The following SLC45A4 variants were observed in gnomAD, a reference collection of about 807,000 sequenced individuals.
SLC45A4 encodes the protein solute carrier family 45 member 4.
A neutral mutation model predicts 63.7 loss-of-function variants in SLC45A4; 32 were observed. The ratio of observed to expected loss-of-function variants is 0.50; its 90% confidence interval spans 0.38 to 0.67. The LOEUF (loss-of-function observed/expected upper bound fraction) is 0.67. SLC45A4 is among the 30% of genes least tolerant of loss of function. The pLI is 0.00. For missense variants in SLC45A4, 1,027 were observed against 1,157.7 expected (o/e 0.89, Z 1.64); for synonymous variants, 535 against 510.0 (o/e 1.05, Z -0.66).
intron 1 of SLC45A4, among the ~76,000 whole-genome samples, chr8:141,285,956 A>C (rs942884885): frequency 6.6e-6 from 1 of 152,182 alleles, no homozygotes; most frequent in Non-Finnish European, 1.5e-5. Flanking sequence ...CCTCAGGAGA[A>C]CCAGCAGCGT....
chr8:141,288,394 C>T (rs577338333), intron 1 of SLC45A4, among the ~76,000 whole-genome samples: 37 of 152,324 alleles, frequency 2.4e-4, no homozygotes, highest in African/African-American at 8.2e-4. Flanking sequence ...AAATTGCAAG[C>T]GCATCGGTAC....
rs575350182 is a variant in SLC45A4, at chr8:141,218,704, G to A, written c.936C>T (p.His312=). ...IMRSKSDSAL[H]VPDTALDLEP... ...CCAGGTCCAGCGCGGTGTCCGGCAC[G>A]TGCAATGCCGAGTCGCTTTTGCTGC... Residue 312 remains histidine (H), a synonymous_variant, in exon 5 of 9, where the codon CAC becomes CAT. Transcript: ENST00000517878. 29 of 1,612,742 alleles carry A rather than the reference G, an allele frequency of 1.8e-5. No homozygotes were observed. The East Asian group carries it at 3.3e-4, about 19-fold the overall frequency.
At chr8:141,295,327 C>T (rs1830504920) in intron 1 of SLC45A4, among the ~76,000 whole-genome samples, 1 of 152,194 alleles carries the variant, frequency 6.6e-6, no homozygotes, top group African/African-American at 2.4e-5. Flanking sequence ...CTCTGCAGGA[C>T]CTCCCAGTCC....
At chr8:141,301,709 TG>T (rs1830747680) in intron 1 of SLC45A4, among the ~76,000 whole-genome samples, 1 of 105,558 alleles carries the variant, frequency 9.5e-6, no homozygotes, top group Admixed American at 1.4e-4. Flanking sequence ...GACTCCAGCC[TG>T]GGGGACAGAA....
At chr8:141,284,350 C>T (rs1053796946) in intron 1 of SLC45A4, among the ~76,000 whole-genome samples, 32 of 152,198 alleles carry the variant, frequency 2.1e-4, no homozygotes, top group Non-Finnish European at 4.1e-4. Flanking sequence ...ACCTGCCCAG[C>T]GCCCACCCCA....
Position 141,211,531 on chromosome 8 carries a change from ATG to A in SLC45A4, c.*39_*40del. The A allele has an allele frequency of 6.2e-7, 1 of 1,613,094 alleles. No individual in the cohort carries two copies. Among genetic ancestry groups the A allele is most frequent in the Non-Finnish European group, 8.5e-7 (1 of 1,179,826 alleles). ...CAAGGACAGGGCTGCCCTGGGCACAATGTGTCCAACTCGCTGAGGAAAAGAAG... is the reference window on the plus strand; with the variant it reads ...CAAGGACAGGGCTGCCCTGGGCACAATGTCCAACTCGCTGAGGAAAAGAAG... On this transcript the variant is annotated 3_prime_UTR_variant, in exon 9 of 9. Coordinates refer to ENST00000517878, the MANE Select transcript of SLC45A4 (RefSeq NM_001286646.2).
intron 1 of SLC45A4, among the ~76,000 whole-genome samples, chr8:141,255,565 A>G (rs1436623402): frequency 6.6e-6 from 1 of 152,126 alleles, no homozygotes; most frequent in African/African-American, 2.4e-5. Context: ...AAAATACAAA[A>G]ATTAGCCAGG....
At position 141,278,058 on chromosome 8, in the gene SLC45A4, G is replaced by A. The variant is rs968311634; in HGVS notation, c.-400-23429C>T. On this transcript the variant is annotated intron_variant, in intron 1 of 8. Transcript: ENST00000517878. The surrounding 1 kb of genome is among the most constrained non-coding windows in gnomAD (Gnocchi z 4.1). ...CAAGCAGCTGGGACTACAGATGCATGCCAACATCCATGTCCGACTTATAAG... is the reference window on the plus strand; with the variant it reads ...CAAGCAGCTGGGACTACAGATGCATACCAACATCCATGTCCGACTTATAAG... Among the ~76,000 whole-genome samples the A allele has an allele frequency of 6.6e-6, 1 of 152,224 alleles. No homozygotes were observed.
intron 1 of SLC45A4, among the ~76,000 whole-genome samples, chr8:141,280,171 C>T (rs888481220): frequency 3.3e-5 from 5 of 152,216 alleles, no homozygotes; most frequent in Non-Finnish European, 5.9e-5. Context: ...CAGGACTCAC[C>T]TTGGGCACTG....
chr8:141,240,405 G>A (rs1827854145), intron 2 of SLC45A4, among the ~76,000 whole-genome samples: 1 of 152,186 alleles, frequency 6.6e-6, no homozygotes, highest in Non-Finnish European at 1.5e-5. Flanking sequence ...CAGGAGGGGA[G>A]ACTGGACTTC....
At chr8:141,303,648 C>T (rs1327785283) in intron 1 of SLC45A4, among the ~76,000 whole-genome samples, 2 of 152,130 alleles carry the variant, frequency 1.3e-5, no homozygotes, top group Admixed American at 1.3e-4. Flanking sequence ...CAAGGCAGAA[C>T]CCCAAGAGAA....
At chr8:141,216,883 C>T (rs1265437262) in intron 6 of SLC45A4, among the ~76,000 whole-genome samples, 1 of 152,232 alleles carries the variant, frequency 6.6e-6, no homozygotes, top group Non-Finnish European at 1.5e-5. Flanking sequence ...CACACTGCTT[C>T]TGGTGCCAGC....
intron 1 of SLC45A4, among the ~76,000 whole-genome samples, chr8:141,300,101 C>T (rs576941873): frequency 7.3e-4 from 111 of 152,214 alleles, no homozygotes; most frequent in Non-Finnish European, 1.2e-3. Context: ...GCTGCATGGC[C>T]GAATTGGAAG....
intron 1 of SLC45A4, among the ~76,000 whole-genome samples, chr8:141,306,612 T>C (rs950545431): frequency 1.3e-5 from 2 of 152,272 alleles, no homozygotes; most frequent in African/African-American, 4.8e-5. Flanking sequence ...TTACACTCCC[T>C]AACCTGTACA....
chr8:141,305,017 G>A (rs116627264), intron 1 of SLC45A4, among the ~76,000 whole-genome samples: 1,654 of 152,144 alleles, frequency 0.011, 25 homozygotes, highest in African/African-American at 0.037. Context: ...CTTCCCTTTC[G>A]GCAGGCCCTC....
chr8:141,300,117 C>T (rs1830694127), intron 1 of SLC45A4, among the ~76,000 whole-genome samples: 1 of 152,188 alleles, frequency 6.6e-6, no homozygotes, highest in African/African-American at 2.4e-5. Context: ...GGAAGTGACG[C>T]ATTCTTAGTG....
At chr8:141,281,671 A>T (rs1002451170) in intron 1 of SLC45A4, among the ~76,000 whole-genome samples, 8 of 152,222 alleles carry the variant, frequency 5.3e-5, no homozygotes, top group African/African-American at 1.9e-4. Flanking sequence ...CCTGAAAGAG[A>T]CAAAAAACAC....
At chr8:141,237,052 C>T (rs13278830) in intron 2 of SLC45A4, among the ~76,000 whole-genome samples, 20,083 of 151,904 alleles carry the variant, frequency 0.13, 1,649 homozygotes, top group East Asian at 0.28. Flanking sequence ...TTTTTTTGGT[C>T]TTAATTCAAA....
At chr8:141,263,832 A>T (rs548464168) in intron 1 of SLC45A4, among the ~76,000 whole-genome samples, 62 of 152,124 alleles carry the variant, frequency 4.1e-4, no homozygotes, top group Non-Finnish European at 7.2e-4. Context: ...GAAAATAAAT[A>T]AATTAATTAA....
Sources: allele counts gnomAD v4.1 joint callset (sites outside exome capture counted in the v4.1 genomes callset), GRCh38; gene constraint gnomAD v4.1.1; non-coding constraint Gnocchi (gnomAD v3.1); transcripts MANE v1.5; gene names NCBI Gene and HGNC (gene_info 2026-07-23, HGNC 2026-07-21).